Variants in RNF220 observed in about 807,000 individuals in gnomAD.
The protein encoded by RNF220 is E3 ubiquitin-protein ligase RNF220.
RNF220 carries 7 observed loss-of-function variants against 67.1 expected under a neutral mutation model. The ratio of observed to expected loss-of-function variants is 0.10; its 90% CI spans 0.06 to 0.20. RNF220 has a LOEUF of 0.20. Among genes scored for constraint, RNF220 ranks in the 10% least tolerant of loss-of-function variants. The probability of loss-of-function intolerance (pLI) is 1.00; values close to 1 mark genes in which losing one functional copy is unlikely to be tolerated. For missense variants in RNF220, 565 were observed against 740.3 expected, an observed-to-expected ratio of 0.76 and a Z score of 2.75; for synonymous variants, 270 against 283.2, an observed-to-expected ratio of 0.95 and a Z score of 0.47.
At chr1:44,410,138 A>C (rs1231151697) in intron 1 of RNF220, among the ~76,000 whole-genome samples, 1 of 149,962 alleles carries the variant, frequency 6.7e-6, no homozygotes, top group African/African-American at 2.4e-5. Context: ...ATAGCAAGTG[A>C]ATCCTGGGGG....
At chr1:44,583,543 C>T (rs1665474650) in intron 2 of RNF220, among the ~76,000 whole-genome samples, 3 of 152,232 alleles carry the variant, frequency 2.0e-5, no homozygotes, top group South Asian at 2.1e-4. Flanking sequence ...CATGTAGTCA[C>T]ACTGGATTCT....
At chr1:44,503,594 G>T (rs922650167) in intron 2 of RNF220, among the ~76,000 whole-genome samples, 5 of 152,264 alleles carry the variant, frequency 3.3e-5, no homozygotes, top group African/African-American at 1.2e-4. Context: ...GACACCCCCT[G>T]TTCCGCCCTC....
chr1:44,591,894 T>TCTCCACCTCCGAGCCCTGACCTC (rs1553251819), intron 2 of RNF220, among the ~76,000 whole-genome samples: 6 of 151,958 alleles, frequency 3.9e-5, no homozygotes, highest in Non-Finnish European at 7.4e-5. Context: ...CAGGAAGCCC[T>TCTCCACCTCCGAGCCCTGACCTC]CTCCACCTCC....
intron 2 of RNF220, among the ~76,000 whole-genome samples, chr1:44,528,758 G>A (rs1660604289): frequency 6.6e-6 from 1 of 151,946 alleles, no homozygotes; most frequent in Non-Finnish European, 1.5e-5. Flanking sequence ...GGGATTACAG[G>A]CATGTGCCAC....
chr1:44,572,925 C>T (rs140266416), intron 2 of RNF220: 1 of 349,808 alleles, frequency 2.9e-6, no homozygotes, highest in East Asian at 9.7e-5. Context: ...AGGGAAAGAT[C>T]CTCCAGGTGG....
chr1:44,486,233 G>T (rs143190032), intron 2 of RNF220, among the ~76,000 whole-genome samples: 1,564 of 151,992 alleles, frequency 0.01, 22 homozygotes, highest in African/African-American at 0.036. Context: ...AAAGTGAAAG[G>T]GGGGGGCCTT....
chr1:44,500,951 T>C (rs754269353), intron 2 of RNF220, among the ~76,000 whole-genome samples: 3 of 151,346 alleles, frequency 2.0e-5, no homozygotes, highest in Non-Finnish European at 4.4e-5. Context: ...GGCTCTTCTG[T>C]CCTGTCAGAG....
Position 44,514,461 on chromosome 1 carries a change from C to T in RNF220, c.626-99704C>T, listed in dbSNP as rs6680836. 6.7e-3 allele frequency among the ~76,000 whole-genome samples: 1,017 copies of T among 152,266 alleles called. 8 individuals carry two copies. Among genetic ancestry groups the T allele is most frequent in the South Asian group, 0.032 (153 of 4,816 alleles). Reference sequence around the variant, plus strand: ...CAGTGAAGCTAGAATATTAGGCATTCGTCCCTGGTTCAGAATGGTTTAGGC... The same window carrying T: ...CAGTGAAGCTAGAATATTAGGCATTTGTCCCTGGTTCAGAATGGTTTAGGC... On this transcript the variant is annotated intron_variant, in intron 2 of 14. Coordinates refer to ENST00000361799, the MANE Select transcript of RNF220 (RefSeq NM_018150.4).
intron 2 of RNF220, among the ~76,000 whole-genome samples, chr1:44,530,593 T>C (rs1014972792): frequency 2.0e-5 from 3 of 150,968 alleles, no homozygotes; most frequent in Non-Finnish European, 4.4e-5. Flanking sequence ...ACACAATTTA[T>C]ACCTCCAGTA....
At chr1:44,637,465 G>A (rs1298597569) in intron 8 of RNF220, among the ~76,000 whole-genome samples, 1 of 152,232 alleles carries the variant, frequency 6.6e-6, no homozygotes, top group South Asian at 2.1e-4. Flanking sequence ...GGACACATGG[G>A]TGTCCGATGG....
intron 2 of RNF220, among the ~76,000 whole-genome samples, chr1:44,421,729 T>C (rs1334731994): frequency 6.6e-6 from 1 of 152,016 alleles, no homozygotes; most frequent in African/African-American, 2.4e-5. Context: ...AACTCAGTGT[T>C]TTTCTCTTTG....
chr1:44,517,734 A>G (rs1659568044), intron 2 of RNF220, among the ~76,000 whole-genome samples: 1 of 152,216 alleles, frequency 6.6e-6, no homozygotes, highest in Non-Finnish European at 1.5e-5. Flanking sequence ...TAAATGTTAT[A>G]TTTTAATACA....
At chr1:44,509,355 C>T (rs954283830) in intron 2 of RNF220, among the ~76,000 whole-genome samples, 1 of 151,540 alleles carries the variant, frequency 6.6e-6, no homozygotes, top group African/African-American at 2.4e-5. Context: ...TCAAAACCAT[C>T]CTGGCTAACA....
chr1:44,634,442 G>C (rs1468090590), intron 6 of RNF220, among the ~76,000 whole-genome samples: 2 of 152,242 alleles, frequency 1.3e-5, no homozygotes, highest in African/African-American at 2.4e-5. Flanking sequence ...AGCTTAAATT[G>C]TAACATAGCA....
chr1:44,445,727 T>G (rs201774696), intron 2 of RNF220, among the ~76,000 whole-genome samples: 1 of 118,906 alleles, frequency 8.4e-6, no homozygotes, highest in Non-Finnish European at 1.8e-5. Flanking sequence ...CCTCAATCCC[T>G]CCATCTTGTA....
At chr1:44,488,503 T>TG (rs1179888627) in intron 2 of RNF220, among the ~76,000 whole-genome samples, 6 of 152,060 alleles carry the variant, frequency 3.9e-5, no homozygotes, top group Non-Finnish European at 7.4e-5. Context: ...TTACTAGAGA[T>TG]GGGGTATTGC....
At chr1:44,409,596 A>G (rs1447372309) in intron 1 of RNF220, among the ~76,000 whole-genome samples, 2 of 152,244 alleles carry the variant, frequency 1.3e-5, no homozygotes, top group African/African-American at 4.8e-5. Context: ...GATTTGCACG[A>G]AGTGCTAAAT....
intron 6 of RNF220, among the ~76,000 whole-genome samples, chr1:44,633,567 C>T (rs776853811): frequency 2.0e-5 from 3 of 152,202 alleles, no homozygotes; most frequent in Non-Finnish European, 2.9e-5. Flanking sequence ...AAGCCCAGTC[C>T]ATTGGGGTGC....
At position 44,622,805 on chromosome 1, in the gene RNF220, T is replaced by C; in HGVS notation, c.804+18T>C. Reference sequence around the variant, plus strand: ...CCCCAAAGGTAGGTGGCCAATTACATGTTTTCCTCCTGCCCATACTAACCT... The same window carrying C: ...CCCCAAAGGTAGGTGGCCAATTACACGTTTTCCTCCTGCCCATACTAACCT... On this transcript the variant is annotated intron_variant, in intron 4 of 14. Transcript: ENST00000361799. The surrounding 1 kb of genome is among the most constrained non-coding windows in gnomAD (Gnocchi z 4.3). 1 of 1,612,792 alleles carries C rather than the reference T, an allele frequency of 6.2e-7. No homozygotes were observed.
Sources: allele counts gnomAD v4.1 joint callset (sites outside exome capture counted in the v4.1 genomes callset), GRCh38; gene constraint gnomAD v4.1.1; non-coding constraint Gnocchi (gnomAD v3.1); transcripts MANE v1.5; gene names NCBI Gene and HGNC (gene_info 2026-07-23, HGNC 2026-07-21).